FGF12: variants seen among roughly 807,000 people sequenced by gnomAD.
FGF12 encodes the protein fibroblast growth factor 12B.
FGF12 carries 14 observed loss-of-function variants against 23.6 expected under a neutral mutation model. That is an observed-to-expected ratio of 0.59 (90% CI 0.39 to 0.93). The LOEUF is 0.93. Among genes scored for constraint, FGF12 ranks in the 40% least tolerant of loss-of-function variants. FGF12 has a pLI of 0.00. For synonymous variants in FGF12, 62 were observed against 77.3 expected (o/e 0.80, Z 1.04); for missense variants, 175 against 217.8 (o/e 0.80, Z 1.24).
At chr3:192,320,200 T>C (rs1452894262) in intron 4 of FGF12, among the ~76,000 whole-genome samples, 30 of 152,038 alleles carry the variant, frequency 2.0e-4, no homozygotes, top group Admixed American at 2.0e-3. Context: ...TAGCTCTACA[T>C]AGATCAGACA....
chr3:192,147,241 C>T lies in FGF12; in HGVS notation c.428-3114G>A, dbSNP rs143440767. On this transcript the variant is annotated intron_variant, in intron 5 of 5. Transcript: ENST00000445105. Reference sequence around the variant, plus strand: ...GAGCATTAATTTTCATTGTTATTTACAGGACCTAGGATTCAGTAATATATC... The same window carrying T: ...GAGCATTAATTTTCATTGTTATTTATAGGACCTAGGATTCAGTAATATATC... 2.0e-4 allele frequency among the ~76,000 whole-genome samples: 31 copies of T among 152,248 alleles called. 1 individual carries two copies. The East Asian group carries it at 5.4e-3, about 27-fold the overall frequency.
intron 5 of FGF12, among the ~76,000 whole-genome samples, chr3:192,144,475 AG>A (rs1383475064): frequency 6.6e-6 from 1 of 152,178 alleles, no homozygotes; most frequent in African/African-American, 2.4e-5. Flanking sequence ...CTTAGTCTGC[AG>A]TCTAATTCGG....
intron 2 of FGF12, among the ~76,000 whole-genome samples, chr3:192,381,331 G>A (rs1719803602): frequency 6.6e-6 from 1 of 152,084 alleles, no homozygotes; most frequent in African/African-American, 2.4e-5. Context: ...ACCAAATAAG[G>A]TGCAAGCAAA....
At chr3:192,463,792 A>G (rs1032009214) in intron 2 of FGF12, among the ~76,000 whole-genome samples, 1 of 152,188 alleles carries the variant, frequency 6.6e-6, no homozygotes, top group Non-Finnish European at 1.5e-5. Flanking sequence ...AAATCAGAGT[A>G]GCTGGTATTC....
At chr3:192,420,205 G>T (rs1381073930) in intron 2 of FGF12, among the ~76,000 whole-genome samples, 3 of 152,088 alleles carry the variant, frequency 2.0e-5, no homozygotes, top group Non-Finnish European at 4.4e-5. Context: ...AATGGTCGGG[G>T]GTGGAAATCG....
intron 2 of FGF12, among the ~76,000 whole-genome samples, chr3:192,506,807 A>G (rs1419108853): frequency 6.6e-6 from 1 of 152,084 alleles, no homozygotes. Context: ...CATTTTAACA[A>G]TGCTGGTCAG....
At position 192,699,158 on chromosome 3, in the gene FGF12, C is replaced by T. The variant is rs1486492342; in HGVS notation, c.13+28023G>A. 2.6e-5 allele frequency among the ~76,000 whole-genome samples: 4 copies of T among 152,188 alleles called. No individual in the cohort carries two copies. The South Asian group carries it at 6.2e-4, about 24-fold the overall frequency. On this transcript the variant is annotated intron_variant, in intron 2 of 5. Coordinates refer to ENST00000445105, the MANE Select transcript of FGF12 (RefSeq NM_004113.6). ...TCTTATTCCTGGTTTCTAGTCCTCACCTATCTCCAAATACCAGCCATGTCT... is the reference window on the plus strand; with the variant it reads ...TCTTATTCCTGGTTTCTAGTCCTCATCTATCTCCAAATACCAGCCATGTCT...
Position 192,379,641 on chromosome 3 carries a change from C to T in FGF12, c.14-19103G>A, listed in dbSNP as rs531799778. Among the ~76,000 whole-genome samples the T allele has an allele frequency of 5.4e-4, 82 of 152,322 alleles. 2 individuals carry two copies. In the South Asian group the frequency reaches 0.016, roughly 30 times the overall value. On this transcript the variant is annotated intron_variant, in intron 2 of 5. Transcript: ENST00000445105. Reference sequence around the variant, plus strand: ...TACGCGTGCACACACGCAATGCATTCGCACACAAATAGATAATTGTGGATT... The same window carrying T: ...TACGCGTGCACACACGCAATGCATTTGCACACAAATAGATAATTGTGGATT...
At chr3:192,523,710 G>A (rs1288491810) in intron 2 of FGF12, among the ~76,000 whole-genome samples, 5 of 152,108 alleles carry the variant, frequency 3.3e-5, no homozygotes, top group African/African-American at 9.7e-5. Context: ...CACATTTAGC[G>A]AGTGCATATT....
intron 2 of FGF12, among the ~76,000 whole-genome samples, chr3:192,396,591 T>C (rs1389480041): frequency 6.6e-6 from 1 of 152,334 alleles, no homozygotes; most frequent in East Asian, 1.9e-4. Context: ...GGCAGGTGTA[T>C]TGTAATGAGC....
rs994793315 is a variant in FGF12, at chr3:192,335,368, T to C, written c.221A>G (p.Tyr74Cys). ...ACACTACAATGTACTTACTGAACTG[T>C]AGAGATAGCCTTCACCATTCATGGC... Reference protein sequence around the residue: ...YVAMNGEGYLYSSDVFTPECK... With the variant: ...YVAMNGEGYLCSSDVFTPECK... The change falls in exon 4 of 6, where the codon TAC becomes TGC. Residue 74 changes from tyrosine (Y) to cysteine (C), a missense_variant. Transcript: ENST00000445105. 5 of 1,607,956 alleles carry C rather than the reference T, an allele frequency of 3.1e-6. No homozygotes were observed. In the African/African-American group the frequency reaches 4.0e-5, roughly 13 times the overall value.
intron 2 of FGF12, among the ~76,000 whole-genome samples, chr3:192,678,423 T>C (rs1023742463): frequency 1.1e-4 from 16 of 152,180 alleles, no homozygotes; most frequent in African/African-American, 3.9e-4. Context: ...CTGAACTTTT[T>C]TGAAGTCAGT....
At chr3:192,305,677 AAAAT>A (rs1328270280) in intron 4 of FGF12, among the ~76,000 whole-genome samples, 28 of 111,924 alleles carry the variant, frequency 2.5e-4, no homozygotes, top group African/African-American at 9.9e-4. Flanking sequence ...AAAAAAAAAA[AAAAT>A]ATATATATAT....
At chr3:192,146,272 AT>A (rs10676941) in intron 5 of FGF12, among the ~76,000 whole-genome samples, 26,390 of 142,908 alleles carry the variant, frequency 0.18, 2,483 homozygotes, top group African/African-American at 0.26. Flanking sequence ...TAAAGTGTAT[AT>A]TTTTTTTTTT....
intron 2 of FGF12, among the ~76,000 whole-genome samples, chr3:192,446,564 T>C (rs1220960912): frequency 1.3e-5 from 2 of 152,198 alleles, no homozygotes; most frequent in African/African-American, 4.8e-5. Flanking sequence ...CTGCTTCCCG[T>C]GGGTCTTTAA....
intron 2 of FGF12, among the ~76,000 whole-genome samples, chr3:192,397,996 A>C (rs1720597138): frequency 6.6e-6 from 1 of 152,212 alleles, no homozygotes; most frequent in African/African-American, 2.4e-5. Flanking sequence ...CTTTATAATA[A>C]CTTATACAAC....
rs1385449894 is a variant in FGF12 at position 192,456,687 on chromosome 3, T to G, written c.14-96149A>C. Among the ~76,000 whole-genome samples the G allele has an allele frequency of 2.0e-5, 3 of 152,300 alleles. No homozygotes were observed. The South Asian group carries it at 6.2e-4, about 32-fold the overall frequency. ...CACCTAGAACATTTTATGTATGAAC[T>G]CTTTGCAGATAAGGACTGCAAGGTA... On this transcript the variant is annotated intron_variant, in intron 2 of 5. Coordinates refer to ENST00000445105, the MANE Select transcript of FGF12 (RefSeq NM_004113.6).
At chr3:192,667,388 G>A (rs1292556434) in intron 2 of FGF12, among the ~76,000 whole-genome samples, 1 of 151,874 alleles carries the variant, frequency 6.6e-6, no homozygotes, top group African/African-American at 2.4e-5. Context: ...TGGATCACTT[G>A]AAGTCAGGAA....
At chr3:192,692,433 C>T (rs992961071) in intron 2 of FGF12, among the ~76,000 whole-genome samples, 2 of 152,138 alleles carry the variant, frequency 1.3e-5, no homozygotes, top group Non-Finnish European at 1.5e-5. Flanking sequence ...AGGCCAGATG[C>T]GGTGGCTCAC....
Sources: gnomAD v4.1 joint callset for allele counts (sites outside exome capture counted in the v4.1 genomes callset) on GRCh38, gnomAD v4.1.1 for gene constraint, MANE v1.5 for transcripts, NCBI Gene and HGNC (gene_info 2026-07-23, HGNC 2026-07-21) for gene names.